Variants in RIMS1 observed in about 807,000 individuals in gnomAD.
RIMS1 encodes regulating synaptic membrane exocytosis protein 1.
RIMS1 carries 83 observed loss-of-function variants against 214.1 expected under a neutral mutation model. The ratio of observed to expected loss-of-function variants is 0.39; its 90% CI spans 0.32 to 0.47. The LOEUF is 0.47. Ranked by LOEUF, RIMS1 falls within the 20% of genes least tolerant of loss-of-function variation. RIMS1 has a pLI of 0.99. For missense variants in RIMS1, 2,050 were observed against 2,161.8 expected, an observed-to-expected ratio of 0.95 and a Z score of 1.03; for synonymous variants, 793 against 786.8, an observed-to-expected ratio of 1.01 and a Z score of -0.13.
chr6:72,039,425 A>T (rs771231106), intron 2 of RIMS1, among the ~76,000 whole-genome samples: 8 of 152,138 alleles, frequency 5.3e-5, no homozygotes, highest in Non-Finnish European at 1.0e-4. Context: ...AGTATGAAGA[A>T]CCTGTGAATG....
intron 29 of RIMS1, among the ~76,000 whole-genome samples, chr6:72,339,575 C>G (rs369904171): frequency 2.6e-5 from 4 of 151,664 alleles, no homozygotes; most frequent in Admixed American, 1.3e-4. Context: ...GAGAATGATG[C>G]TTTCCAGCTT....
intron 2 of RIMS1, among the ~76,000 whole-genome samples, chr6:72,088,405 C>T (rs540841343): frequency 2.6e-4 from 40 of 152,014 alleles, no homozygotes; most frequent in African/African-American, 9.4e-4. Flanking sequence ...CCTGCCACCA[C>T]ACCCAGCTAA....
intron 2 of RIMS1, among the ~76,000 whole-genome samples, chr6:72,056,380 C>G (rs1342154085): frequency 6.6e-6 from 1 of 152,020 alleles, no homozygotes; most frequent in Non-Finnish European, 1.5e-5. Flanking sequence ...GTTTACATGT[C>G]TAACAAACCT....
intron 4 of RIMS1, among the ~76,000 whole-genome samples, chr6:72,172,172 C>T (rs780460126): frequency 3.3e-5 from 5 of 151,456 alleles, no homozygotes; most frequent in Non-Finnish European, 7.4e-5. Flanking sequence ...GGAAAACATT[C>T]GAAACAAAGT....
chr6:72,252,905 CT>C, intron 16 of RIMS1, 73 bp downstream of exon 16: 1 of 1,036,826 alleles, frequency 9.6e-7, no homozygotes, highest in Non-Finnish European at 1.5e-6. Context: ...TTCCGGACCT[CT>C]TTAGGATACT....
chr6:72,352,989 T>TC (rs1271513428), intron 29 of RIMS1, among the ~76,000 whole-genome samples: 1 of 91,286 alleles, frequency 1.1e-5, no homozygotes, highest in Non-Finnish European at 2.9e-5. Flanking sequence ...TTTTCTTTTT[T>TC]TTTTTTTTTT....
Position 72,235,681 on chromosome 6 carries a change from A to G in RIMS1, c.1810A>G (p.Lys604Glu). The G allele has an allele frequency of 6.2e-7, 1 of 1,610,760 alleles. No homozygotes were observed. Among genetic ancestry groups the G allele is most frequent in the Non-Finnish European group, 8.5e-7 (1 of 1,178,238 alleles). The change falls in exon 8 of 34, where the codon AAG becomes GAG. Residue 604 changes from lysine to glutamate, a missense_variant. Around this residue, in one of 6 missense-constraint regions of RIMS1, gnomAD observed 882 missense variants for 828.9 expected, o/e 1.06. Transcript: ENST00000521978. Reference protein sequence around the residue: ...DRLIGRVILNKRTTMPKDSGA... With the variant: ...DRLIGRVILNERTTMPKDSGA... The stretch of plus-strand genomic sequence containing the variant: ...ATTAATTGGACGTGTTATTCTTAAC[A>G]AGAGAACAACCATGCCCAAAGACTC...
At chr6:72,014,931 A>G (rs1020155504) in intron 2 of RIMS1, among the ~76,000 whole-genome samples, 5 of 152,182 alleles carry the variant, frequency 3.3e-5, no homozygotes, top group African/African-American at 9.6e-5. Context: ...CAGATTTTGT[A>G]TTAGGTTATT....
intron 4 of RIMS1, among the ~76,000 whole-genome samples, chr6:72,116,984 C>T (rs1360398224): frequency 3.3e-5 from 5 of 151,996 alleles, no homozygotes. Flanking sequence ...TTAATATCTC[C>T]ATGTGACAGA....
chr6:72,202,955 T>G (rs1370479246), intron 6 of RIMS1, among the ~76,000 whole-genome samples: 1 of 152,304 alleles, frequency 6.6e-6, no homozygotes, highest in East Asian at 1.9e-4. Context: ...ACCTGATACA[T>G]AGCAAGTACT....
chr6:71,891,588 G>A (rs1302155147), intron 1 of RIMS1, among the ~76,000 whole-genome samples: 5 of 152,212 alleles, frequency 3.3e-5, no homozygotes, highest in African/African-American at 1.2e-4. Context: ...AAGAAGAAAA[G>A]TGGAAGGAAA....
intron 2 of RIMS1, among the ~76,000 whole-genome samples, chr6:72,026,292 A>G (rs566113681): frequency 1.4e-4 from 22 of 152,258 alleles, no homozygotes; most frequent in Admixed American, 4.6e-4. Flanking sequence ...TCCACCTCAG[A>G]TTTATCACAT....
intron 2 of RIMS1, among the ~76,000 whole-genome samples, chr6:71,986,770 T>A (rs1800087849): frequency 6.6e-6 from 1 of 152,256 alleles, no homozygotes; most frequent in African/African-American, 2.4e-5. Context: ...CAGTCCAGTG[T>A]GGGCATTGCC....
At chr6:72,217,530 A>G (rs1589341382) in intron 6 of RIMS1, among the ~76,000 whole-genome samples, 2 of 152,326 alleles carry the variant, frequency 1.3e-5, no homozygotes, top group East Asian at 1.9e-4. Context: ...ATATACAATT[A>G]ATTCAGAAAG....
At chr6:72,040,270 A>G (rs971766009) in intron 2 of RIMS1, among the ~76,000 whole-genome samples, 1 of 152,020 alleles carries the variant, frequency 6.6e-6, no homozygotes, top group Non-Finnish European at 1.5e-5. Context: ...ACTAGTGAAG[A>G]TAGAACCTGG....
At chr6:72,002,604 A>G (rs902886150) in intron 2 of RIMS1, among the ~76,000 whole-genome samples, 2 of 152,180 alleles carry the variant, frequency 1.3e-5, no homozygotes, top group African/African-American at 4.8e-5. Flanking sequence ...TGGCAGTGAC[A>G]AAGTTGGATT....
At chr6:72,056,446 A>C (rs1428864115) in intron 2 of RIMS1, among the ~76,000 whole-genome samples, 1 of 152,246 alleles carries the variant, frequency 6.6e-6, no homozygotes, top group Non-Finnish European at 1.5e-5. Flanking sequence ...AAAAATGTAA[A>C]TTATAGAAGT....
intron 1 of RIMS1, among the ~76,000 whole-genome samples, chr6:71,938,373 C>T (rs967378691): frequency 1.3e-5 from 2 of 152,208 alleles, no homozygotes; most frequent in African/African-American, 4.8e-5. Flanking sequence ...CACATGTGCA[C>T]TTGGCATTGC....
At chr6:71,914,947 T>A (rs1219042105) in intron 1 of RIMS1, among the ~76,000 whole-genome samples, 2 of 152,118 alleles carry the variant, frequency 1.3e-5, no homozygotes, top group African/African-American at 4.8e-5. Flanking sequence ...ACTATCAGAG[T>A]ACCTTAAATA....
Sources: gnomAD v4.1 joint callset for allele counts (sites outside exome capture counted in the v4.1 genomes callset) on GRCh38, gnomAD v4.1.1 for gene constraint, gnomAD v4.1.1 regional missense constraint, MANE v1.5 for transcripts, NCBI Gene and HGNC (gene_info 2026-07-23, HGNC 2026-07-21) for gene names.